Variants in RGS7 observed in about 807,000 individuals in gnomAD.
RGS7 encodes the protein regulator of G protein signaling 7.
A neutral mutation model predicts 81.1 loss-of-function variants in RGS7; 27 were observed. The ratio of observed to expected loss-of-function variants is 0.33; its 90% CI spans 0.25 to 0.46. The LOEUF (loss-of-function observed/expected upper bound fraction) is 0.46. Ranked by LOEUF, RGS7 falls within the 20% of genes least tolerant of loss-of-function variation. The pLI is 1.00. For missense variants in RGS7, 396 were observed against 607.4 expected (o/e 0.65, Z 3.66); for synonymous variants, 208 against 207.7 (o/e 1.00, Z -0.01).
intron 2 of RGS7, among the ~76,000 whole-genome samples, chr1:241,100,407 A>T (rs936251835): frequency 4.0e-5 from 6 of 151,856 alleles, no homozygotes; most frequent in African/African-American, 1.5e-4. Flanking sequence ...ATTTCCATCA[A>T]CATAGCTTTA....
At chr1:241,014,193 C>G (rs1229953045) in intron 3 of RGS7, among the ~76,000 whole-genome samples, 1 of 152,152 alleles carries the variant, frequency 6.6e-6, no homozygotes, top group Non-Finnish European at 1.5e-5. Flanking sequence ...TCTTTCACAA[C>G]CTTTCATTTT....
chr1:240,982,422 C>CAAA lies in RGS7; in HGVS notation c.226+654_226+656dup, dbSNP rs10567618. The stretch of plus-strand genomic sequence containing the variant: ...GGGCAACAAGAGTGAAACTCTGCCT[C>CAAA]AAAAAAAAAAAAAAAAAAAAAAAAA... On this transcript the variant is annotated intron_variant, in intron 4 of 18. Transcript: ENST00000440928. Among the ~76,000 whole-genome samples, 25 of 66,204 alleles carry CAAA rather than the reference C, an allele frequency of 3.8e-4. 1 individual carries two copies. The highest frequency in any genetic ancestry group is 1.2e-3 in the African/African-American group (20 of 16,012). 43.4% of individuals were successfully genotyped at this position (66,204 alleles called of 152,430 possible).
intron 2 of RGS7, among the ~76,000 whole-genome samples, chr1:241,190,657 T>C (rs1010725694): frequency 6.6e-6 from 1 of 152,220 alleles, no homozygotes; most frequent in Non-Finnish European, 1.5e-5. Flanking sequence ...GATTTTTGTA[T>C]GTTTATCTTC....
At chr1:240,869,853 T>A (rs1007787553) in intron 7 of RGS7, among the ~76,000 whole-genome samples, 7 of 152,122 alleles carry the variant, frequency 4.6e-5, no homozygotes, top group Admixed American at 2.6e-4. Context: ...AGCAGGAGAA[T>A]CACTTGAACC....
chr1:241,083,977 T>C (rs1024359497), intron 3 of RGS7, among the ~76,000 whole-genome samples: 2 of 152,176 alleles, frequency 1.3e-5, no homozygotes, highest in African/African-American at 4.8e-5. Context: ...AGAAAAATAT[T>C]CCACCTTACT....
intron 6 of RGS7, among the ~76,000 whole-genome samples, chr1:240,889,172 G>C (rs908469752): frequency 2.6e-5 from 4 of 152,136 alleles, no homozygotes; most frequent in Non-Finnish European, 5.9e-5. Flanking sequence ...GGCCAGGCTG[G>C]TCTTGAACTC....
At position 240,974,891 on chromosome 1, in the gene RGS7, A is replaced by C. The variant is rs541817126; in HGVS notation, c.226+8188T>G. Among the ~76,000 whole-genome samples, 201 of 152,044 alleles carry C rather than the reference A, an allele frequency of 1.3e-3. 1 individual carries two copies. The highest frequency in any genetic ancestry group is 1.7e-3 in the Non-Finnish European group (119 of 68,004). ...TATCACAAAACATGGTATTAAAAGC[A>C]CTTTTCAGAGGAAGGGAAAAAAAAA... On this transcript the variant is annotated intron_variant, in intron 4 of 18. Transcript: ENST00000440928.
chr1:240,978,492 A>T (rs1684469751), intron 4 of RGS7, among the ~76,000 whole-genome samples: 1 of 152,198 alleles, frequency 6.6e-6, no homozygotes, highest in Admixed American at 6.5e-5. Context: ...ATGCGATAAT[A>T]GATATATTCT....
intron 3 of RGS7, among the ~76,000 whole-genome samples, chr1:241,087,140 G>A (rs2063496601): frequency 2.0e-5 from 3 of 152,140 alleles, no homozygotes; most frequent in South Asian, 2.1e-4. Flanking sequence ...CACACAGTAG[G>A]CTCCTGAACG....
At chr1:241,341,192 G>A (rs2082524137) in intron 2 of RGS7, among the ~76,000 whole-genome samples, 1 of 152,114 alleles carries the variant, frequency 6.6e-6, no homozygotes. Context: ...CAACACCATC[G>A]TGAAGCAGAA....
chr1:240,878,404 T>G (rs1002178950), intron 6 of RGS7, among the ~76,000 whole-genome samples: 1 of 152,036 alleles, frequency 6.6e-6, no homozygotes, highest in African/African-American at 2.4e-5. Flanking sequence ...TAGTAGATGC[T>G]CAAAACATAG....
chr1:241,159,262 C>T (rs992354197), intron 2 of RGS7, among the ~76,000 whole-genome samples: 2 of 152,266 alleles, frequency 1.3e-5, no homozygotes, highest in Middle Eastern at 3.4e-3. Flanking sequence ...TTACATTCTA[C>T]ATTACACACC....
chr1:241,115,606 G>C (rs1278189626), intron 2 of RGS7, among the ~76,000 whole-genome samples: 1 of 152,150 alleles, frequency 6.6e-6, no homozygotes, highest in African/African-American at 2.4e-5. Flanking sequence ...GTTTGAGCCT[G>C]GCTTCTCCTT....
chr1:240,936,017 A>G (rs1676569409), intron 5 of RGS7, among the ~76,000 whole-genome samples: 1 of 152,212 alleles, frequency 6.6e-6, no homozygotes, highest in Admixed American at 6.5e-5. Flanking sequence ...CTGAAATCAG[A>G]GTCCACAATC....
intron 2 of RGS7, among the ~76,000 whole-genome samples, chr1:241,346,790 G>T (rs2082922544): frequency 6.6e-6 from 1 of 152,118 alleles, no homozygotes; most frequent in Non-Finnish European, 1.5e-5. Context: ...CACACAGTAA[G>T]TAAACACTCA....
intron 3 of RGS7, among the ~76,000 whole-genome samples, chr1:241,098,345 A>AT (rs1016227684): frequency 9.2e-5 from 14 of 152,148 alleles, no homozygotes; most frequent in East Asian, 1.9e-4. Context: ...GAAATCACTG[A>AT]TTTTTTTCAC....
chr1:241,300,021 G>A (rs1199473631), intron 2 of RGS7, among the ~76,000 whole-genome samples: 4 of 151,576 alleles, frequency 2.6e-5, no homozygotes, highest in Non-Finnish European at 1.5e-5. Flanking sequence ...AGGCTGGGGT[G>A]GGAAGATCGC....
intron 2 of RGS7, among the ~76,000 whole-genome samples, chr1:241,116,544 T>C (rs2065897199): frequency 6.6e-6 from 1 of 152,080 alleles, no homozygotes; most frequent in African/African-American, 2.4e-5. Context: ...CTATCTAACT[T>C]CTTTATTTCC....
chr1:241,046,311 C>G (rs111312602), intron 3 of RGS7, among the ~76,000 whole-genome samples: 1 of 440 alleles, frequency 2.3e-3, no homozygotes, highest in African/African-American at 2.8e-3. Flanking sequence ...GACCCCCCCC[C>G]CCTTTTCTAG....
Sources: gnomAD v4.1 joint callset for allele counts (sites outside exome capture counted in the v4.1 genomes callset) on GRCh38, gnomAD v4.1.1 for gene constraint, MANE v1.5 for transcripts, NCBI Gene and HGNC (gene_info 2026-07-23, HGNC 2026-07-21) for gene names.